CRISP3: variants seen among roughly 807,000 people sequenced by gnomAD.
CRISP3 encodes the protein cysteine rich secretory protein 3, also known as cysteine-rich secretory protein 3.
Under a neutral mutation model 36.1 loss-of-function variants are expected in CRISP3, and 33 were observed. That is an observed-to-expected ratio of 0.91 (90% CI 0.69 to 1.22). The LOEUF (loss-of-function observed/expected upper bound fraction) is 1.22. Among genes scored for constraint, CRISP3 ranks in the 50% most tolerant of loss-of-function variants. The pLI, the probability that CRISP3 is intolerant of heterozygous loss-of-function variation, is 0.00. For synonymous variants in CRISP3, 117 were observed against 104.6 expected (o/e 1.12, Z -0.72); for missense variants, 330 against 301.2 (o/e 1.10, Z -0.71).
chr6:49,736,184 TTAAA>T (rs755305478), intron 3 of CRISP3, among the ~76,000 whole-genome samples: 3 of 152,110 alleles, frequency 2.0e-5, no homozygotes, highest in Non-Finnish European at 4.4e-5. Context: ...CCTCCATAAT[TTAAA>T]TAGCCCTATG....
At chr6:49,730,799 G>C (rs904213859) in intron 7 of CRISP3, among the ~76,000 whole-genome samples, 1 of 152,114 alleles carries the variant, frequency 6.6e-6, no homozygotes, top group Non-Finnish European at 1.5e-5. Flanking sequence ...CCAGCACTTC[G>C]GGTGGCTGAG....
At position 49,728,741 on chromosome 6, in the gene CRISP3, T is replaced by C. The variant is rs1443065336; in HGVS notation, c.766A>G (p.Ser256Gly). ...SCKASCNCSN[S>G]IY ...TGTGTAATGCGTATTTAATAAATGC[T>C]GTTTGAACAATTGCAGGAGGCCTTG... The change falls in exon 8 of 8, where the codon AGC becomes GGC. Residue 256 changes from serine to glycine, a missense_variant. Ser to Gly is a moderately conservative substitution (Grantham distance 56). Coordinates refer to ENST00000263045, the MANE Select transcript of CRISP3 (RefSeq NM_006061.4). 2.5e-6 allele frequency: 4 copies of C among 1,611,556 alleles called. No homozygotes were observed. The South Asian group carries it at 3.3e-5, about 13-fold the overall frequency.
chr6:49,733,390 G>C lies in CRISP3; in HGVS notation c.463-98C>G, dbSNP rs982162007. The C allele has an allele frequency of 3.5e-6, 3 of 860,886 alleles. No individual in the cohort carries two copies. In the African/African-American group the frequency reaches 5.1e-5, roughly 15 times the overall value. 53.3% of individuals were successfully genotyped at this position (860,886 alleles called of 1,614,324 possible). On this transcript the variant is annotated intron_variant, in intron 5 of 7. Coordinates refer to ENST00000263045, the MANE Select transcript of CRISP3 (RefSeq NM_006061.4). ...ATACAAAATGGAGAAGAATGTTACC[G>C]ACATATTTTGTTTTCATATACCTTA...
chr6:49,733,029 A>G (rs1215994433), intron 6 of CRISP3, among the ~76,000 whole-genome samples, 166 bp downstream of exon 6: 1 of 152,204 alleles, frequency 6.6e-6, no homozygotes, highest in African/African-American at 2.4e-5. Context: ...CTGGAACTGA[A>G]AACTTTATCT....
rs1257045181 is a variant in CRISP3, at chr6:49,741,941, A to G, written c.37+2390T>C. Among the ~76,000 whole-genome samples the G allele has an allele frequency of 2.7e-5, 4 of 149,248 alleles. No individual in the cohort carries two copies. In the Admixed American group the frequency reaches 2.7e-4, roughly 10 times the overall value. ...ATATTTGTAACTTTTGTAAGAGAAG[A>G]CGTAAAATTGTTATTGTTTTCAAAT... On this transcript the variant is annotated intron_variant, in intron 1 of 7. Transcript: ENST00000263045.
chr6:49,741,005 G>A (rs541124641), intron 1 of CRISP3, among the ~76,000 whole-genome samples: 1 of 151,850 alleles, frequency 6.6e-6, no homozygotes, highest in African/African-American at 2.4e-5. Context: ...GGAGGCTGAG[G>A]CAGGAGAATG....
In CRISP3 at chr6:49,728,861, G is replaced by A. The variant is rs771754957; in HGVS notation, c.650-4C>T. ...TCTTCGTACTTGCAACCATTGGCTG[G>A]AATAAAAACAAAGAAATTAGTCACT... On this transcript the variant is annotated splice_region_variant and splice_polypyrimidine_tract_variant and intron_variant, in intron 7 of 7. Transcript: ENST00000263045. 4.4e-6 allele frequency: 7 copies of A among 1,599,828 alleles called. No individual in the cohort carries two copies. Among genetic ancestry groups the A allele is most frequent in the Non-Finnish European group, 6.0e-6 (7 of 1,173,690 alleles).
intron 5 of CRISP3, 28 bp downstream of exon 5, chr6:49,733,675 G>A (rs1325107349): frequency 1.3e-6 from 2 of 1,589,424 alleles, no homozygotes; most frequent in African/African-American, 1.4e-5. Context: ...ACTTATAAAG[G>A]AGATGGTTTT....
rs1431296673 is a variant in CRISP3, at chr6:49,727,670, T to C, written c.*1060A>G. 1 of 152,174 alleles carries C rather than the reference T, an allele frequency of 6.6e-6. No individual in the cohort carries two copies. Among genetic ancestry groups the C allele is most frequent in the Non-Finnish European group, 1.5e-5 (1 of 67,990 alleles). 9.4% of individuals were successfully genotyped at this position (152,174 alleles called of 1,614,324 possible). A position where few individuals can be genotyped will look rare whatever the true frequency, so the allele number is the denominator to read the frequency against. On this transcript the variant is annotated 3_prime_UTR_variant, in exon 8 of 8. Coordinates refer to ENST00000263045, the MANE Select transcript of CRISP3 (RefSeq NM_006061.4). ...CACATGTCTCCTTAGTCTCATGTGG[T>C]CTGTGATTGTTTCTCAGGATTCCCT...
intron 7 of CRISP3, among the ~76,000 whole-genome samples, chr6:49,729,484 T>A (rs887228115): frequency 6.6e-6 from 1 of 152,174 alleles, no homozygotes; most frequent in Non-Finnish European, 1.5e-5. Context: ...TCTACTTGGA[T>A]GTCCTTCAGT....
In CRISP3 at chr6:49,735,605, A is replaced by G. The variant is rs747279600; in HGVS notation, c.229-14T>C. On this transcript the variant is annotated splice_polypyrimidine_tract_variant and intron_variant, in intron 3 of 7. Transcript: ENST00000263045. ...TTTGTTCCATTCCTGAAACAAGGAC[A>G]GAAAAAAGATATCCACTTAATGTCT... 7 of 1,603,486 alleles carry G rather than the reference A, an allele frequency of 4.4e-6. No individual in the cohort carries two copies. The highest frequency in any genetic ancestry group is 1.7e-5 in the Admixed American group (1 of 59,626).
rs1299416606 is a variant in CRISP3, at chr6:49,727,909, T to A, written c.*821A>T. On this transcript the variant is annotated 3_prime_UTR_variant, in exon 8 of 8. Coordinates refer to ENST00000263045, the MANE Select transcript of CRISP3 (RefSeq NM_006061.4). Reference sequence around the variant, plus strand: ...TGGTGAAGACGTCATTTGTCATTTTTCTCCCCTGTAAAGTTACTATGTTTC... The same window carrying A: ...TGGTGAAGACGTCATTTGTCATTTTACTCCCCTGTAAAGTTACTATGTTTC... 1.3e-5 allele frequency: 2 copies of A among 152,158 alleles called. No individual in the cohort carries two copies. Among genetic ancestry groups the A allele is most frequent in the African/African-American group, 4.8e-5 (2 of 41,438 alleles). 9.4% of individuals were successfully genotyped at this position (152,158 alleles called of 1,614,324 possible).
intron 4 of CRISP3, among the ~76,000 whole-genome samples, chr6:49,734,873 T>G (rs934709615): frequency 1.3e-5 from 2 of 152,136 alleles, no homozygotes; most frequent in African/African-American, 4.8e-5. Context: ...GTTTTTATAT[T>G]TATTGATGTA....
rs1432583476 is a variant in CRISP3, at chr6:49,728,693, C to T, written c.*37G>A. 1 of 1,540,450 alleles carries T rather than the reference C, an allele frequency of 6.5e-7. No individual in the cohort carries two copies. Among genetic ancestry groups the T allele is most frequent in the Non-Finnish European group, 8.8e-7 (1 of 1,141,132 alleles). ...CCAAATCTAAGTAGATAATCTGACT[C>T]CTCTCTACATAGCCCTACTCGGTGT... is the stretch of plus-strand genomic sequence containing the variant. On this transcript the variant is annotated 3_prime_UTR_variant, in exon 8 of 8. Coordinates refer to ENST00000263045, the MANE Select transcript of CRISP3 (RefSeq NM_006061.4).
Position 49,733,103 on chromosome 6 carries a change from AC to A in CRISP3, c.560+91del, listed in dbSNP as rs1430982435. ...ACATTTCTAAAGATTAATCTCCTTC[AC>A]CTTTACTTAAATATGCTTTTTAGTT... On this transcript the variant is annotated intron_variant, in intron 6 of 7. Transcript: ENST00000263045. The A allele has an allele frequency of 2.8e-5, 19 of 674,854 alleles. No homozygotes were observed. The African/African-American group carries it at 3.6e-4, about 13-fold the overall frequency. 41.8% of individuals were successfully genotyped at this position (674,854 alleles called of 1,614,324 possible).
At chr6:49,731,077 A>C in intron 7 of CRISP3, 86 bp downstream of exon 7, 2 of 954,156 alleles carry the variant, frequency 2.1e-6, no homozygotes, top group Non-Finnish European at 1.6e-6. Context: ...GGCATTGCTT[A>C]AGTTGGTTGT....
chr6:49,729,752 G>A (rs1306494172), intron 7 of CRISP3, among the ~76,000 whole-genome samples: 1 of 151,882 alleles, frequency 6.6e-6, no homozygotes, highest in East Asian at 1.9e-4. Context: ...TTTCATACCT[G>A]TCTATTTTTT....
At chr6:49,743,079 G>A (rs1470124476) in intron 1 of CRISP3, among the ~76,000 whole-genome samples, 1 of 152,152 alleles carries the variant, frequency 6.6e-6, no homozygotes, top group African/African-American at 2.4e-5. Flanking sequence ...AGCAGCCTAT[G>A]CCAATATGCA....
chr6:49,737,817 G>A (rs1769097927), intron 1 of CRISP3, among the ~76,000 whole-genome samples: 1 of 152,150 alleles, frequency 6.6e-6, no homozygotes, highest in Non-Finnish European at 1.5e-5. Context: ...CTTAAGTGCT[G>A]TCTACACTTT....
Sources: gnomAD v4.1 joint callset for allele counts (sites outside exome capture counted in the v4.1 genomes callset) on GRCh38, gnomAD v4.1.1 for gene constraint, MANE v1.5 for transcripts, NCBI Gene and HGNC (gene_info 2026-07-23, HGNC 2026-07-21) for gene names.